Variants in DIS3L2 observed in about 807,000 individuals in gnomAD.
The protein encoded by DIS3L2 is DIS3-like exonuclease 2.
In DIS3L2, 34 loss-of-function variants were observed where a neutral mutation model predicts 97.5. The observed-to-expected ratio is 0.35, with a 90% confidence interval of 0.27 to 0.46. DIS3L2 has a LOEUF of 0.46. Ranked by LOEUF, DIS3L2 falls within the 20% of genes least tolerant of loss-of-function variation. The probability of loss-of-function intolerance (pLI) is 1.00; values close to 1 mark genes in which losing one functional copy is unlikely to be tolerated. For synonymous variants in DIS3L2, 435 were observed against 445.2 expected, an observed-to-expected ratio of 0.98 and a Z score of 0.29; for missense variants, 1,038 against 1,146.0, an observed-to-expected ratio of 0.91 and a Z score of 1.36.
At chr2:232,307,283 A>G (rs1695010760) in intron 14 of DIS3L2, among the ~76,000 whole-genome samples, 1 of 152,226 alleles carries the variant, frequency 6.6e-6, no homozygotes. Context: ...GACCTGATTT[A>G]GTCCTTTAGG....
At chr2:232,207,683 T>C (rs1692068824) in intron 9 of DIS3L2, among the ~76,000 whole-genome samples, 1 of 152,184 alleles carries the variant, frequency 6.6e-6, no homozygotes. Context: ...TCCACCTGAA[T>C]GGCACCTACC....
chr2:232,045,841 A>G (rs1695226932), intron 5 of DIS3L2, among the ~76,000 whole-genome samples: 2 of 151,644 alleles, frequency 1.3e-5, no homozygotes, highest in Admixed American at 6.6e-5. Context: ...CGCCCAGCTA[A>G]TTTTTGTATT....
In DIS3L2 at chr2:232,334,056, C is replaced by T. The variant is rs1434634079; in HGVS notation, c.2158+69C>T. On this transcript the variant is annotated intron_variant, in intron 17 of 20. Coordinates refer to ENST00000325385, the MANE Select transcript of DIS3L2 (RefSeq NM_152383.5). Reference sequence around the variant, plus strand: ...GGGCTGCCCACCCCCACAGTGGGTGCTCAGTGGCCCAAGACCATTCTGCCG... The same window carrying T: ...GGGCTGCCCACCCCCACAGTGGGTGTTCAGTGGCCCAAGACCATTCTGCCG... 9 of 1,541,164 alleles carry T rather than the reference C, an allele frequency of 5.8e-6. No individual in the cohort carries two copies. In the Admixed American group the frequency reaches 1.6e-4, roughly 27 times the overall value.
intron 13 of DIS3L2, among the ~76,000 whole-genome samples, chr2:232,267,793 C>T (rs1285679834): frequency 6.6e-6 from 1 of 152,216 alleles, no homozygotes; most frequent in Non-Finnish European, 1.5e-5. Flanking sequence ...GAAGCCTGTT[C>T]TCAGGCACCT....
intron 16 of DIS3L2, among the ~76,000 whole-genome samples, chr2:232,333,541 C>T (rs576195855): frequency 3.3e-5 from 5 of 152,294 alleles, no homozygotes; most frequent in African/African-American, 1.2e-4. Context: ...GTGGGCTTGT[C>T]CAGGCCATTC....
chr2:232,081,139 T>G (rs1305002485), intron 5 of DIS3L2, among the ~76,000 whole-genome samples: 2 of 152,192 alleles, frequency 1.3e-5, no homozygotes, highest in African/African-American at 4.8e-5. Flanking sequence ...ATTTCCTATA[T>G]TGGATCAGGT....
chr2:232,334,028 T>A (rs750543751), intron 17 of DIS3L2, 41 bp downstream of exon 17: 1 of 1,575,170 alleles, frequency 6.3e-7, no homozygotes, highest in Non-Finnish European at 8.6e-7. Flanking sequence ...CTGGGCCAGC[T>A]CAGGGCTGCC....
At chr2:232,254,132 C>T (rs1287420823) in intron 12 of DIS3L2, among the ~76,000 whole-genome samples, 1 of 152,176 alleles carries the variant, frequency 6.6e-6, no homozygotes, top group Non-Finnish European at 1.5e-5. Context: ...GCCTTGGTGT[C>T]ATTCTGAACC....
At chr2:232,250,918 A>G (rs1693400112) in intron 12 of DIS3L2, among the ~76,000 whole-genome samples, 1 of 152,128 alleles carries the variant, frequency 6.6e-6, no homozygotes. Context: ...TTTCCCAATC[A>G]GCAGCCCAGC....
At chr2:232,210,260 G>A (rs1451493496) in intron 9 of DIS3L2, 66 bp from the exon 10 acceptor site, 4 of 1,262,290 alleles carry the variant, frequency 3.2e-6, no homozygotes, top group Admixed American at 1.7e-5. Context: ...CTTTAAAGCT[G>A]TACTATGGTG....
Position 232,325,297 on chromosome 2 carries a change from G to T in DIS3L2, c.1740-4516G>T, listed in dbSNP as rs1695541559. Among the ~76,000 whole-genome samples the T allele has an allele frequency of 6.6e-6, 1 of 152,230 alleles. No homozygotes were observed. The stretch of plus-strand genomic sequence containing the variant: ...GGACGCCCTGTCGTAAACGCATGAA[G>T]AGCCCTGCGTTTCATATATTGATGT... On this transcript the variant is annotated intron_variant, in intron 14 of 20. Transcript: ENST00000325385. The surrounding 1 kb of genome is among the most constrained non-coding windows in gnomAD (Gnocchi z 4.6).
chr2:232,021,762 A>C (rs779769650), intron 3 of DIS3L2, among the ~76,000 whole-genome samples: 7 of 152,154 alleles, frequency 4.6e-5, no homozygotes, highest in East Asian at 3.8e-4. Context: ...AATGGAGGAA[A>C]AAATACTTTT....
chr2:232,088,205 C>G (rs899459277), intron 6 of DIS3L2, among the ~76,000 whole-genome samples: 1 of 151,222 alleles, frequency 6.6e-6, no homozygotes, highest in Non-Finnish European at 1.5e-5. Context: ...TCGAGACCAT[C>G]CTGGCTAACA....
chr2:232,050,827 A>G (rs1406978425), intron 5 of DIS3L2, among the ~76,000 whole-genome samples: 1 of 152,260 alleles, frequency 6.6e-6, no homozygotes, highest in Non-Finnish European at 1.5e-5. Flanking sequence ...CAGAAATCAG[A>G]TGTGTAGACA....
chr2:232,135,675 G>A (rs527421215), intron 7 of DIS3L2, among the ~76,000 whole-genome samples: 2 of 152,156 alleles, frequency 1.3e-5, no homozygotes, highest in East Asian at 1.9e-4. Flanking sequence ...GCACTCAATT[G>A]GTTTGGAGGT....
intron 9 of DIS3L2, among the ~76,000 whole-genome samples, chr2:232,200,396 A>G (rs1467005244): frequency 6.6e-6 from 1 of 152,224 alleles, no homozygotes; most frequent in Non-Finnish European, 1.5e-5. Flanking sequence ...CATTCCCACC[A>G]GAAGGAATTT....
rs2106220848 is a variant in DIS3L2 at position 232,014,996 on chromosome 2, G to A, written c.52+17G>A. ...CCCCCAGAGGTAGTAAAAGGAAAAT[G>A]GAGTCTGCCTGAATAACTGGAGAAC... On this transcript the variant is annotated intron_variant, in intron 2 of 20. Transcript: ENST00000325385. 6.2e-7 allele frequency: 1 copy of A among 1,613,646 alleles called. No homozygotes were observed. The highest frequency in any genetic ancestry group is 8.5e-7 in the Non-Finnish European group (1 of 1,179,770).
chr2:232,245,105 A>G (rs1365472791), intron 11 of DIS3L2, among the ~76,000 whole-genome samples: 2 of 152,228 alleles, frequency 1.3e-5, no homozygotes, highest in Non-Finnish European at 2.9e-5. Flanking sequence ...GAAAAGGATC[A>G]AGGGGTCAGG....
At chr2:232,329,785 T>TCCCCGGGCCCCCC in intron 14 of DIS3L2, 28 bp from the exon 15 acceptor site, 4 of 967,136 alleles carry the variant, frequency 4.1e-6, no homozygotes, top group East Asian at 3.1e-5. Flanking sequence ...ACCCCAGCGG[T>TCCCCGGGCCCCCC]CCCTCCCATC....
Sources: gnomAD v4.1 joint callset for allele counts (sites outside exome capture counted in the v4.1 genomes callset) on GRCh38, gnomAD v4.1.1 for gene constraint, Gnocchi (gnomAD v3.1) non-coding constraint, MANE v1.5 for transcripts, NCBI Gene and HGNC (gene_info 2026-07-23, HGNC 2026-07-21) for gene names.